SLC43A3: variants seen among roughly 807,000 people sequenced by gnomAD.
SLC43A3 encodes the protein solute carrier family 43 member 3.
SLC43A3 carries 33 observed loss-of-function variants against 53.3 expected under a neutral mutation model. That is an observed-to-expected ratio of 0.62 (90% CI 0.47 to 0.83). SLC43A3 has a LOEUF of 0.83. SLC43A3 is among the 40% of genes least tolerant of loss of function. The pLI is 0.00. For synonymous variants in SLC43A3, 236 were observed against 246.2 expected, an observed-to-expected ratio of 0.96 and a Z score of 0.39; for missense variants, 530 against 610.0, an observed-to-expected ratio of 0.87 and a Z score of 1.38.
At chr11:57,409,063 C>T in intron 13 of SLC43A3, 112 bp downstream of exon 13, 1 of 1,063,702 alleles carries the variant, frequency 9.4e-7, no homozygotes, top group Non-Finnish European at 1.4e-6. Flanking sequence ...AACACAGACC[C>T]TTTGGGAAGC....
chr11:57,413,310 T>C (rs1172436091), intron 11 of SLC43A3, among the ~76,000 whole-genome samples: 1 of 152,196 alleles, frequency 6.6e-6, no homozygotes, highest in African/African-American at 2.4e-5. Flanking sequence ...GCATGGATCC[T>C]AATTGGAACA....
intron 9 of SLC43A3, chr11:57,415,363 G>A: frequency 6.8e-7 from 1 of 1,472,686 alleles, no homozygotes; most frequent in Non-Finnish European, 9.0e-7. Flanking sequence ...TCACAGCCTG[G>A]TCAATGACAC....
intron 9 of SLC43A3, 52 bp from the exon 10 acceptor site, chr11:57,415,158 A>AAGCTTCAG (rs1182927650): frequency 6.3e-7 from 1 of 1,585,454 alleles, no homozygotes; most frequent in Admixed American, 1.7e-5. Context: ...GTGGACAGGT[A>AAGCTTCAG]GGATGGGGAG....
intron 5 of SLC43A3, among the ~76,000 whole-genome samples, chr11:57,421,980 C>T (rs1478517435): frequency 6.6e-6 from 1 of 152,228 alleles, no homozygotes; most frequent in East Asian, 1.9e-4. Context: ...CTTAAATAGA[C>T]TGACATGCAA....
At chr11:57,411,791 T>C (rs564285636) in intron 11 of SLC43A3, among the ~76,000 whole-genome samples, 1 of 152,164 alleles carries the variant, frequency 6.6e-6, no homozygotes, top group Non-Finnish European at 1.5e-5. Flanking sequence ...ATTTAGCAAT[T>C]GTATTGTTAT....
chr11:57,416,528 G>C lies in SLC43A3; in HGVS notation c.769+45C>G, dbSNP rs368447601. On this transcript the variant is annotated intron_variant, in intron 9 of 13. Coordinates refer to ENST00000395124, the MANE Select transcript of SLC43A3 (RefSeq NM_199329.3). ...TGAGGGGCCAGGAAAGGCACAAGGAGAGGCTTGGGTCTGGAGGAGAGATGG... is the reference window on the plus strand; with the variant it reads ...TGAGGGGCCAGGAAAGGCACAAGGACAGGCTTGGGTCTGGAGGAGAGATGG... 10 of 1,494,354 alleles carry C rather than the reference G, an allele frequency of 6.7e-6. No individual in the cohort carries two copies. In the South Asian group the frequency reaches 1.0e-4, roughly 15 times the overall value. 92.6% of individuals were successfully genotyped at this position (1,494,354 alleles called of 1,614,324 possible). A position where few individuals can be genotyped will look rare whatever the true frequency, so the allele number is the denominator to read the frequency against.
chr11:57,419,083 G>A (rs933265962), intron 7 of SLC43A3, among the ~76,000 whole-genome samples: 2 of 151,788 alleles, frequency 1.3e-5, no homozygotes, highest in Non-Finnish European at 2.9e-5. Context: ...AGACACACCC[G>A]GCAGTAGAGG....
chr11:57,411,324 T>A (rs994191613), intron 11 of SLC43A3, among the ~76,000 whole-genome samples: 2 of 151,922 alleles, frequency 1.3e-5, no homozygotes, highest in Non-Finnish European at 2.9e-5. Flanking sequence ...CATAACTCTA[T>A]ACCAAATTAG....
In SLC43A3 at chr11:57,409,065, T is replaced by C. The variant is rs981760280; in HGVS notation, c.1371+110A>G. ...CAAATACTTGAATAACACAGACCCT[T>C]TGGGAAGCTGCACCATGCTACATAC... On this transcript the variant is annotated intron_variant, in intron 13 of 13. Coordinates refer to ENST00000395124, the MANE Select transcript of SLC43A3 (RefSeq NM_199329.3). 2.8e-6 allele frequency: 3 copies of C among 1,079,426 alleles called. No homozygotes were observed. The African/African-American group carries it at 4.7e-5, about 17-fold the overall frequency. The allele number at this position is 1,079,426 out of a possible 1,614,324, so 66.9% of individuals were successfully genotyped here.
chr11:57,411,990 TA>T (rs1056565526), intron 11 of SLC43A3, among the ~76,000 whole-genome samples: 10 of 151,952 alleles, frequency 6.6e-5, no homozygotes, highest in Non-Finnish European at 1.3e-4. Flanking sequence ...ATTTTTCTTA[TA>T]AAAAAATTAT....
rs377394525 is a variant in SLC43A3 at position 57,413,499 on chromosome 11, C to T, written c.1060+1116G>A. Among the ~76,000 whole-genome samples, 9 of 152,188 alleles carry T rather than the reference C, an allele frequency of 5.9e-5. No homozygotes were observed. The East Asian group carries it at 7.7e-4, about 13-fold the overall frequency. On this transcript the variant is annotated intron_variant, in intron 11 of 13. Transcript: ENST00000395124. ...ATGTACGGGTATAGAGAAATATTTA[C>T]GGATGAAATGATACGATGTCTGAGA...
At chr11:57,418,853 G>A (rs191568023) in intron 7 of SLC43A3, among the ~76,000 whole-genome samples, 52 of 151,366 alleles carry the variant, frequency 3.4e-4, no homozygotes, top group South Asian at 1.5e-3. Flanking sequence ...TCCTGCCACC[G>A]CACTCCAGCC....
rs1440073634 is a variant in SLC43A3, at chr11:57,425,333, A to G, written c.314+208T>C. Among the ~76,000 whole-genome samples, 3 of 152,300 alleles carry G rather than the reference A, an allele frequency of 2.0e-5. No homozygotes were observed. The East Asian group carries it at 5.8e-4, about 29-fold the overall frequency. ...ATGCAGAGCAGGGAACGAGGTAAGG[A>G]AATGGAAGTGGGGCTGTGGTGAAGT... On this transcript the variant is annotated intron_variant, in intron 4 of 13. Transcript: ENST00000395124.
chr11:57,416,818 A>T, intron 8 of SLC43A3, 148 bp from the exon 9 acceptor site: 2 of 636,112 alleles, frequency 3.1e-6, no homozygotes, highest in South Asian at 1.9e-5. Context: ...TGCAGACCAG[A>T]CCAGTTAAAT....
At chr11:57,425,181 T>C (rs1016158904) in intron 4 of SLC43A3, among the ~76,000 whole-genome samples, 6 of 152,080 alleles carry the variant, frequency 3.9e-5, no homozygotes, top group African/African-American at 1.4e-4. Context: ...CAAGGATCCT[T>C]GGGGTGAAGG....
chr11:57,425,462 T>C (rs1428901430), intron 4 of SLC43A3, 79 bp downstream of exon 4: 2 of 1,509,670 alleles, frequency 1.3e-6, no homozygotes, highest in Non-Finnish European at 1.8e-6. Flanking sequence ...TGTCTGACTC[T>C]GGATTTCACT....
Position 57,417,882 on chromosome 11 carries a change from A to T in SLC43A3, c.537T>A (p.Leu179=). The change falls in exon 8 of 14, where the codon CTT becomes CTA. Residue 179 remains leucine (L), a synonymous_variant. Coordinates refer to ENST00000395124, the MANE Select transcript of SLC43A3 (RefSeq NM_199329.3). ...SSAVFLIIKL[L]YEKGISLRAS... ...CCCTGAGGCTGATGCCTTTTTCATAAAGAAGCTGCAGAAGGAGAAGGAAAA... is the reference window on the plus strand; with the variant it reads ...CCCTGAGGCTGATGCCTTTTTCATATAGAAGCTGCAGAAGGAGAAGGAAAA... The T allele has an allele frequency of 1.2e-6, 2 of 1,614,066 alleles. No individual in the cohort carries two copies. Among genetic ancestry groups the T allele is most frequent in the East Asian group, 2.2e-5 (1 of 44,886 alleles).
rs1942339836 is a variant in SLC43A3 at position 57,409,210 on chromosome 11, G to A, written c.1336C>T (p.Leu446Phe). The A allele has an allele frequency of 1.9e-6, 3 of 1,614,182 alleles. No individual in the cohort carries two copies. In the East Asian group the frequency reaches 6.7e-5, roughly 36 times the overall value. The stretch of plus-strand genomic sequence containing the variant: ...TCATTCTGAAGGGAGCCTTTGATGA[G>A]GGTGAAGATGGGGAACTGGAGCAGA... Reference protein sequence around the residue: ...VSLLQFPIFTLIKGSLQNDPF... With the variant: ...VSLLQFPIFTFIKGSLQNDPF... Residue 446 changes from leucine to phenylalanine, a missense_variant, in exon 13 of 14, where the codon CTC (leucine) becomes TTC (phenylalanine). Leu to Phe is a conservative substitution (Grantham distance 22). Coordinates refer to ENST00000395124, the MANE Select transcript of SLC43A3 (RefSeq NM_199329.3).
intron 13 of SLC43A3, among the ~76,000 whole-genome samples, chr11:57,408,967 C>A (rs1359683428): frequency 2.6e-5 from 4 of 152,216 alleles, no homozygotes; most frequent in Non-Finnish European, 5.9e-5. Context: ...CAGGATTTTG[C>A]TTGAAGTTTC....
Sources: allele counts gnomAD v4.1 joint callset (sites outside exome capture counted in the v4.1 genomes callset), GRCh38; gene constraint gnomAD v4.1.1; transcripts MANE v1.5; gene names NCBI Gene and HGNC (gene_info 2026-07-23, HGNC 2026-07-21).